The following GOLT1B variants were observed in gnomAD, a reference collection of about 807,000 sequenced individuals.
The protein encoded by GOLT1B is vesicle transport protein GOT1B.
GOLT1B carries 3 observed loss-of-function variants against 15.4 expected under a neutral mutation model. The ratio of observed to expected loss-of-function variants is 0.19; its 90% confidence interval spans 0.09 to 0.50. GOLT1B has a LOEUF of 0.50. Ranked by LOEUF, GOLT1B falls within the 20% of genes least tolerant of loss-of-function variation. GOLT1B has a pLI of 0.97. For synonymous variants in GOLT1B, 65 were observed against 56.2 expected, an observed-to-expected ratio of 1.16 and a Z score of -0.70; for missense variants, 145 against 160.4, an observed-to-expected ratio of 0.90 and a Z score of 0.52.
intron 4 of GOLT1B, 103 bp from the exon 5 acceptor site, chr12:21,515,566 T>C (rs539901451): frequency 1.4e-6 from 1 of 701,980 alleles, no homozygotes; most frequent in South Asian, 1.7e-5. Flanking sequence ...TCCACAACTC[T>C]TCTTGTAAGG....
rs1943758867 is a variant in GOLT1B at position 21,516,759 on chromosome 12, T to G, written c.*1052T>G. 6.6e-6 allele frequency: 1 copy of G among 152,092 alleles called. No individual in the cohort carries two copies. The highest frequency in any genetic ancestry group is 1.5e-5 in the Non-Finnish European group (1 of 67,946). The allele number at this position is 152,092 out of a possible 1,614,324, so 9.4% of individuals were successfully genotyped here. On this transcript the variant is annotated 3_prime_UTR_variant, in exon 5 of 5. Coordinates refer to ENST00000229314, the MANE Select transcript of GOLT1B (RefSeq NM_016072.5). ...ATTTAATCTGAGTTTTCCCTTATTT[T>G]CAGCTTTTTCCTAGCATATAATAGT... is the stretch of plus-strand genomic sequence containing the variant.
chr12:21,510,734 G>A (rs559621019), intron 3 of GOLT1B, among the ~76,000 whole-genome samples: 3 of 152,134 alleles, frequency 2.0e-5, no homozygotes, highest in East Asian at 1.9e-4. Flanking sequence ...TTTGAAACAC[G>A]CACATACACC....
chr12:21,508,160 G>A (rs1237679179), intron 2 of GOLT1B: 10 of 520,456 alleles, frequency 1.9e-5, no homozygotes, highest in Admixed American at 3.6e-5. Context: ...AATCAAGATA[G>A]AAGAGGAATG....
At chr12:21,506,746 A>G (rs1943681188) in intron 1 of GOLT1B, 139 bp from the exon 2 acceptor site, 1 of 468,486 alleles carries the variant, frequency 2.1e-6, no homozygotes, top group Admixed American at 3.9e-5. Flanking sequence ...AATAAATGTC[A>G]TTATGAAGTT....
chr12:21,503,057 G>T (rs553570301), intron 1 of GOLT1B, among the ~76,000 whole-genome samples: 4 of 152,220 alleles, frequency 2.6e-5, no homozygotes, highest in Admixed American at 1.3e-4. Flanking sequence ...CCCTCCTGAG[G>T]CTGGACTGGG....
At chr12:21,506,817 T>A (rs1242107925) in intron 1 of GOLT1B, 68 bp from the exon 2 acceptor site, 14 of 657,920 alleles carry the variant, frequency 2.1e-5, no homozygotes, top group Non-Finnish European at 3.8e-5. Flanking sequence ...GAAAATTTTC[T>A]TAGTTTACAG....
chr12:21,514,870 GAAACA>G (rs950831460), intron 4 of GOLT1B, among the ~76,000 whole-genome samples: 10 of 151,790 alleles, frequency 6.6e-5, no homozygotes, highest in Admixed American at 4.6e-4. Flanking sequence ...TGTGAATCGT[GAAACA>G]AAATAAATGA....
chr12:21,515,372 A>G lies in GOLT1B; in HGVS notation c.379-297A>G, dbSNP rs567428231. The G allele has an allele frequency of 1.9e-4, 118 of 615,590 alleles. No individual in the cohort carries two copies. In the African/African-American group the frequency reaches 2.1e-3, roughly 11 times the overall value. The allele number at this position is 615,590 out of a possible 1,614,324, so 38.1% of individuals were successfully genotyped here. On this transcript the variant is annotated intron_variant, in intron 4 of 4. Coordinates refer to ENST00000229314, the MANE Select transcript of GOLT1B (RefSeq NM_016072.5). The stretch of plus-strand genomic sequence containing the variant: ...TATTTTTTGTTAAGCTAGCAGTGTT[A>G]TCTTCATCTTATACAATTTCTTTAT...
At chr12:21,513,846 G>A (rs901035965) in intron 4 of GOLT1B, among the ~76,000 whole-genome samples, 14 of 152,182 alleles carry the variant, frequency 9.2e-5, no homozygotes, top group Admixed American at 3.3e-4. Flanking sequence ...GCACTTCCAT[G>A]TAAAACTACA....
intron 4 of GOLT1B, among the ~76,000 whole-genome samples, 170 bp from the exon 5 acceptor site, chr12:21,515,499 A>G (rs1011017458): frequency 3.3e-5 from 5 of 152,178 alleles, no homozygotes; most frequent in African/African-American, 1.2e-4. Context: ...ACGTTTATGT[A>G]TCAGAAGATG....
chr12:21,511,304 A>G (rs1943717520), intron 3 of GOLT1B, among the ~76,000 whole-genome samples: 1 of 152,218 alleles, frequency 6.6e-6, no homozygotes, highest in Non-Finnish European at 1.5e-5. Context: ...TGCATAGGGC[A>G]AGGAAAGGGG....
rs1060126 is a variant in GOLT1B, at chr12:21,501,897, G to T, written c.-27G>T. The T allele has an allele frequency of 0.78, 1,236,586 of 1,577,342 alleles. 494,946 individuals are homozygous for T. Among genetic ancestry groups the T allele is most frequent in the East Asian group, 0.98 (43,569 of 44,630 alleles). On this transcript the variant is annotated 5_prime_UTR_variant, in exon 1 of 5. Coordinates refer to ENST00000229314, the MANE Select transcript of GOLT1B (RefSeq NM_016072.5). ...CCCACCCTGGGCTTTCCGAGGTGCT[G>T]TCGCCGCTGTCCCCACCACTGCAGC...
At chr12:21,515,168 T>A in intron 4 of GOLT1B, 1 of 760,006 alleles carries the variant, frequency 1.3e-6, no homozygotes, top group East Asian at 2.7e-5. Context: ...GAATACACAT[T>A]TAAAGTATTT....
chr12:21,507,178 T>G (rs538004714), intron 2 of GOLT1B: 36 of 584,476 alleles, frequency 6.2e-5, no homozygotes, highest in South Asian at 8.7e-5. Flanking sequence ...GTTTTCTAAT[T>G]CCATAACTAC....
chr12:21,514,606 T>G (rs929461134), intron 4 of GOLT1B, among the ~76,000 whole-genome samples: 1 of 152,216 alleles, frequency 6.6e-6, no homozygotes, highest in African/African-American at 2.4e-5. Context: ...TGTGATAATA[T>G]AACAAAATGT....
intron 1 of GOLT1B, among the ~76,000 whole-genome samples, chr12:21,505,866 C>G (rs577078219): frequency 2.0e-5 from 3 of 152,072 alleles, no homozygotes; most frequent in African/African-American, 7.2e-5. Flanking sequence ...AGAATCAAAA[C>G]TAAAATGATC....
intron 1 of GOLT1B, among the ~76,000 whole-genome samples, chr12:21,505,670 GT>G: frequency 6.6e-6 from 1 of 152,080 alleles, no homozygotes; most frequent in East Asian, 1.9e-4. Flanking sequence ...TGACTTAAGA[GT>G]TTTTTAAGTA....
intron 3 of GOLT1B, among the ~76,000 whole-genome samples, chr12:21,511,323 G>A (rs921280346): frequency 6.6e-6 from 1 of 152,052 alleles, no homozygotes; most frequent in Non-Finnish European, 1.5e-5. Context: ...GGGGAGGGTC[G>A]CAGATCCCCC....
chr12:21,507,989 C>CAGCTTT (rs1943691685), intron 2 of GOLT1B: 1 of 451,214 alleles, frequency 2.2e-6, no homozygotes, highest in African/African-American at 2.0e-5. Context: ...AAGAGGAATA[C>CAGCTTT]CCTTGGGTGA....
Sources: gnomAD v4.1 joint callset for allele counts (sites outside exome capture counted in the v4.1 genomes callset) on GRCh38, gnomAD v4.1.1 for gene constraint, MANE v1.5 for transcripts, NCBI Gene and HGNC (gene_info 2026-07-23, HGNC 2026-07-21) for gene names.